L3HYPDH: variants seen among roughly 807,000 people sequenced by gnomAD.
The protein encoded by L3HYPDH is trans-3-hydroxy-L-proline dehydratase.
L3HYPDH carries 32 observed loss-of-function variants against 26.5 expected under a neutral mutation model. The ratio of observed to expected loss-of-function variants is 1.21; its 90% CI spans 0.91 to 1.62. L3HYPDH has a LOEUF of 1.62. Among genes scored for constraint, L3HYPDH ranks in the 40% most tolerant of loss-of-function variants. L3HYPDH has a pLI of 0.00. For synonymous variants in L3HYPDH, 215 were observed against 196.6 expected, an observed-to-expected ratio of 1.09 and a Z score of -0.78; for missense variants, 554 against 476.4, an observed-to-expected ratio of 1.16 and a Z score of -1.52.
intron 2 of L3HYPDH, chr14:59,478,940 A>G (rs1889825762): frequency 2.6e-6 from 1 of 380,220 alleles, no homozygotes. Context: ...AAAACTCATA[A>G]TGTTTTAAGA....
At chr14:59,474,571 A>G in intron 4 of L3HYPDH, 1 of 697,446 alleles carries the variant, frequency 1.4e-6, no homozygotes, top group Non-Finnish European at 2.6e-6. Flanking sequence ...TCTGACAGCA[A>G]TATAATATAA....
chr14:59,484,116 G>A lies in L3HYPDH; in HGVS notation c.201C>T (p.Phe67=). The part of the protein sequence containing the change: ...HLDHVRRRLM[F]EPRGHRDMYG... ...ACATGTCCCGGTGCCCTCGGGGCTCGAACATGAGCCGTCGCCGCACGTGGT... is the reference window on the plus strand; with the variant it reads ...ACATGTCCCGGTGCCCTCGGGGCTCAAACATGAGCCGTCGCCGCACGTGGT... The change falls in exon 1 of 5, where the codon TTC becomes TTT. Residue 67 remains phenylalanine (F), a synonymous_variant. Transcript: ENST00000247194. 6.2e-7 allele frequency: 1 copy of A among 1,603,860 alleles called. No individual in the cohort carries two copies. The highest frequency in any genetic ancestry group is 8.5e-7 in the Non-Finnish European group (1 of 1,179,076).
Position 59,473,082 on chromosome 14 carries a change from T to C in L3HYPDH, c.948A>G (p.Lys316=), listed in dbSNP as rs994627169. ...VFTGKAVREA[K]CGDFKAVIVE... ...CTATAACAGCTTTAAAATCACCACA[T>C]TTCGCTTCCTGAAAAAAGATGAAGG... The change falls in exon 5 of 5, where the codon AAA becomes AAG. Residue 316 remains lysine, a synonymous_variant. Coordinates refer to ENST00000247194, the MANE Select transcript of L3HYPDH (RefSeq NM_144581.2). 2 of 1,591,346 alleles carry C rather than the reference T, an allele frequency of 1.3e-6. No homozygotes were observed. Among genetic ancestry groups the C allele is most frequent in the South Asian group, 2.3e-5 (2 of 86,408 alleles).
At position 59,483,953 on chromosome 14, in the gene L3HYPDH, G is replaced by A. The variant is rs1380085377; in HGVS notation, c.364C>T (p.Pro122Ser). ...TCGCGGGTGCCCGCAGGGGGCGCCG[G>A]CACAAGCCCGAAGTCCAAAGCGAAG... ...GRFALDFGLV[P>S]APPAGTREAR... The change falls in exon 1 of 5, where the codon CCG becomes TCG. Residue 122 changes from proline (P) to serine (S), a missense_variant. Transcript: ENST00000247194. 1.3e-6 allele frequency: 2 copies of A among 1,560,642 alleles called. No individual in the cohort carries two copies. Among genetic ancestry groups the A allele is most frequent in the South Asian group, 2.3e-5 (2 of 86,504 alleles).
chr14:59,483,673 G>T, intron 1 of L3HYPDH, 136 bp downstream of exon 1: 1 of 1,460,478 alleles, frequency 6.8e-7, no homozygotes. Context: ...CGTTGGCAGT[G>T]ATTTACCTTT....
upstream of L3HYPDH, chr14:59,487,840 T>G: frequency 6.2e-7 from 1 of 1,610,686 alleles, no homozygotes; most frequent in South Asian, 1.1e-5. Context: ...TTAGCACATT[T>G]CTATGAACAT....
At chr14:59,478,570 G>C (rs997803320) in intron 2 of L3HYPDH, among the ~76,000 whole-genome samples, 1 of 152,184 alleles carries the variant, frequency 6.6e-6, no homozygotes, top group African/African-American at 2.4e-5. Flanking sequence ...GGGTGACAGA[G>C]CAAGACCCTG....
At chr14:59,493,005 A>G in the L3HYPDH span, among the ~76,000 whole-genome samples, 1 of 151,748 alleles carries the variant, frequency 6.6e-6, no homozygotes, top group Non-Finnish European at 1.5e-5. Flanking sequence ...TCACTGTGTT[A>G]GCCAGGATGG....
At chr14:59,481,374 G>A (rs1890008513) in intron 1 of L3HYPDH, among the ~76,000 whole-genome samples, 1 of 152,102 alleles carries the variant, frequency 6.6e-6, no homozygotes, top group East Asian at 1.9e-4. Flanking sequence ...TGAGAGGTAG[G>A]TACTGTTTTA....
At chr14:59,505,193 C>T in the L3HYPDH span, 2 of 1,018,256 alleles carry the variant, frequency 2.0e-6, no homozygotes, top group East Asian at 5.3e-5. Context: ...ACTCACTTTT[C>T]CTGTAGTAGT....
At chr14:59,494,969 T>A in the L3HYPDH span, 1 of 1,357,060 alleles carries the variant, frequency 7.4e-7, no homozygotes, top group East Asian at 2.3e-5. Flanking sequence ...ATTAAAGCCA[T>A]TTAAATATTG....
At chr14:59,476,295 G>A (rs1203689330) in intron 2 of L3HYPDH, 81 bp from the exon 3 acceptor site, 1 of 1,056,714 alleles carries the variant, frequency 9.5e-7, no homozygotes, top group African/African-American at 1.7e-5. Context: ...GTCATTCTTA[G>A]ACATAACTTT....
chr14:59,483,901 C>T lies in L3HYPDH; in HGVS notation c.416G>A (p.Cys139Tyr). ...TGCCACGAAGGCGGTCACCAGCCCG[C>T]AGGGGCAGTGGATATTGACGCGGGC... ...REARVNIHCP[C>Y]GLVTAFVACE... The change falls in exon 1 of 5, where the codon TGC (cysteine) becomes TAC (tyrosine). Residue 139 changes from cysteine to tyrosine, a missense_variant. Transcript: ENST00000247194. 1 of 1,563,878 alleles carries T rather than the reference C, an allele frequency of 6.4e-7. No individual in the cohort carries two copies. Among genetic ancestry groups the T allele is most frequent in the African/African-American group, 1.3e-5 (1 of 74,074 alleles).
At chr14:59,485,357 A>G, upstream of L3HYPDH, 1 of 415,212 alleles carries the variant, frequency 2.4e-6, no homozygotes, top group Non-Finnish European at 4.2e-6. Context: ...ATAAGCGCCC[A>G]TTAAAGAGGC....
At chr14:59,483,607 T>G (rs1252183732) in intron 1 of L3HYPDH, 4 of 1,431,276 alleles carry the variant, frequency 2.8e-6, no homozygotes, top group Non-Finnish European at 2.7e-6. Context: ...CACAGGCGGA[T>G]GGGAGTCAGG....
At chr14:59,479,378 A>C in intron 1 of L3HYPDH, 27 bp from the exon 2 acceptor site, 1 of 1,595,536 alleles carries the variant, frequency 6.3e-7, no homozygotes, top group African/African-American at 1.4e-5. Flanking sequence ...TTTGGAAAGA[A>C]GATGTGTTTG....
At chr14:59,480,409 C>T (rs1310503000) in intron 1 of L3HYPDH, among the ~76,000 whole-genome samples, 1 of 152,150 alleles carries the variant, frequency 6.6e-6, no homozygotes, top group Non-Finnish European at 1.5e-5. Context: ...GCTCCTGCTC[C>T]ACTTTGCTGG....
At chr14:59,470,706 T>C (rs932792095), downstream of L3HYPDH, among the ~76,000 whole-genome samples, 3 of 151,996 alleles carry the variant, frequency 2.0e-5, no homozygotes, top group African/African-American at 7.3e-5. Context: ...ACCTGGCAAT[T>C]AGGTAAAGTT....
chr14:59,503,681 T>C, the L3HYPDH span, among the ~76,000 whole-genome samples: 3 of 152,344 alleles, frequency 2.0e-5, no homozygotes, highest in Non-Finnish European at 4.4e-5. Context: ...ACTTTCCTCA[T>C]CTATAAAGTG....
Sources: gnomAD v4.1 joint callset for allele counts (sites outside exome capture counted in the v4.1 genomes callset) on GRCh38, gnomAD v4.1.1 for gene constraint, MANE v1.5 for transcripts, NCBI Gene and HGNC (gene_info 2026-07-23, HGNC 2026-07-21) for gene names.